Variants in FHIT observed in about 807,000 individuals in gnomAD.
The protein encoded by FHIT is bis(5'-adenosyl)-triphosphatase.
Under a neutral mutation model 17.9 loss-of-function variants are expected in FHIT, and 19 were observed. The ratio of observed to expected loss-of-function variants is 1.06; its 90% CI spans 0.74 to 1.56. The LOEUF is 1.56. FHIT is among the 40% of genes most tolerant of loss of function. The pLI is 0.00. For synonymous variants in FHIT, 81 were observed against 69.7 expected (o/e 1.16, Z -0.81); for missense variants, 248 against 189.2 (o/e 1.31, Z -1.82).
At chr3:61,034,487 T>G (rs939344779) in intron 3 of FHIT, among the ~76,000 whole-genome samples, 1 of 152,060 alleles carries the variant, frequency 6.6e-6, no homozygotes, top group Non-Finnish European at 1.5e-5. Flanking sequence ...TTAACAGACA[T>G]TTCTCCAGAA....
intron 4 of FHIT, among the ~76,000 whole-genome samples, chr3:60,546,464 C>A (rs1354083253): frequency 3.9e-5 from 6 of 152,156 alleles, no homozygotes; most frequent in Non-Finnish European, 1.5e-5. Context: ...CATGTCCTAA[C>A]TTTTATGCTG....
intron 5 of FHIT, among the ~76,000 whole-genome samples, chr3:60,028,290 A>T (rs1198965392): frequency 6.6e-6 from 1 of 152,256 alleles, no homozygotes; most frequent in Non-Finnish European, 1.5e-5. Context: ...CAGTTTAAAC[A>T]ACACCAATTC....
chr3:60,694,965 G>T (rs1461570954), intron 4 of FHIT, among the ~76,000 whole-genome samples: 1 of 152,244 alleles, frequency 6.6e-6, no homozygotes, highest in East Asian at 1.9e-4. Context: ...TAATGTAAAT[G>T]ACGGGTTAAT....
At chr3:60,349,567 T>A (rs772914925) in intron 5 of FHIT, among the ~76,000 whole-genome samples, 1 of 152,172 alleles carries the variant, frequency 6.6e-6, no homozygotes, top group Non-Finnish European at 1.5e-5. Context: ...TTCCAAAAGA[T>A]TCATTGTAAG....
intron 5 of FHIT, among the ~76,000 whole-genome samples, chr3:60,234,304 G>A (rs771555745): frequency 1.3e-5 from 2 of 152,060 alleles, no homozygotes; most frequent in African/African-American, 2.4e-5. Context: ...TAACACTAAC[G>A]GATTTCATTT....
intron 4 of FHIT, among the ~76,000 whole-genome samples, chr3:60,574,636 T>C (rs1365688697): frequency 6.6e-6 from 1 of 152,098 alleles, no homozygotes; most frequent in Non-Finnish European, 1.5e-5. Flanking sequence ...TAAACACATC[T>C]TTACATTGAC....
intron 3 of FHIT, among the ~76,000 whole-genome samples, chr3:61,012,535 C>A (rs75370602): frequency 4.1e-4 from 63 of 151,978 alleles, no homozygotes; most frequent in African/African-American, 1.5e-3. Flanking sequence ...ATGCTTATAT[C>A]TAGAAAACTG....
intron 5 of FHIT, among the ~76,000 whole-genome samples, chr3:60,448,320 G>A (rs2031485004): frequency 6.6e-6 from 1 of 151,864 alleles, no homozygotes; most frequent in Non-Finnish European, 1.5e-5. Flanking sequence ...GTGTTAAGAT[G>A]GAGTCAAAAA....
At chr3:60,567,768 C>A (rs1243512742) in intron 4 of FHIT, among the ~76,000 whole-genome samples, 2 of 150,364 alleles carry the variant, frequency 1.3e-5, no homozygotes, top group Non-Finnish European at 2.9e-5. Flanking sequence ...AAGAAAAAAA[C>A]AAACAGTCCC....
At chr3:60,959,364 G>A (rs1709305974) in intron 3 of FHIT, among the ~76,000 whole-genome samples, 1 of 152,166 alleles carries the variant, frequency 6.6e-6, no homozygotes, top group Admixed American at 6.5e-5. Flanking sequence ...ACAGATCATA[G>A]CATCATCAGC....
chr3:61,207,131 G>T (rs2039265897), intron 1 of FHIT, among the ~76,000 whole-genome samples: 1 of 152,114 alleles, frequency 6.6e-6, no homozygotes, highest in Non-Finnish European at 1.5e-5. Context: ...TAATTGATTT[G>T]CATATGTTCA....
chr3:60,841,781 G>A (rs1422153491), intron 3 of FHIT, among the ~76,000 whole-genome samples: 2 of 152,102 alleles, frequency 1.3e-5, no homozygotes, highest in Non-Finnish European at 2.9e-5. Context: ...GGTCCTAGGT[G>A]AGGAATCATA....
intron 5 of FHIT, among the ~76,000 whole-genome samples, chr3:60,079,553 CCT>C (rs1385248541): frequency 6.6e-6 from 1 of 152,000 alleles, no homozygotes; most frequent in Non-Finnish European, 1.5e-5. Flanking sequence ...ACCATTTTCC[CCT>C]CTCTCCTTTT....
chr3:60,086,348 T>A (rs942889284), intron 5 of FHIT, among the ~76,000 whole-genome samples: 2 of 152,064 alleles, frequency 1.3e-5, no homozygotes, highest in African/African-American at 2.4e-5. Context: ...AAGACAAACA[T>A]CCAAACCATA....
intron 8 of FHIT, among the ~76,000 whole-genome samples, chr3:59,816,370 A>G (rs1461381333): frequency 6.6e-6 from 1 of 152,182 alleles, no homozygotes; most frequent in East Asian, 1.9e-4. Flanking sequence ...AAATTTAAAC[A>G]AACAATAATA....
intron 8 of FHIT, among the ~76,000 whole-genome samples, chr3:59,796,779 G>A: frequency 6.6e-6 from 1 of 152,148 alleles, no homozygotes; most frequent in Admixed American, 6.5e-5. Context: ...AGTGACAAAG[G>A]GTGCAGCAAT....
intron 8 of FHIT, among the ~76,000 whole-genome samples, chr3:59,885,983 A>T (rs1320602532): frequency 6.6e-6 from 1 of 152,100 alleles, no homozygotes; most frequent in East Asian, 1.9e-4. Flanking sequence ...CAAGGATAGG[A>T]GGGTTATGGG....
intron 2 of FHIT, among the ~76,000 whole-genome samples, chr3:61,134,132 A>ACACACACACAC (rs1455630506): frequency 2.7e-5 from 1 of 37,242 alleles, no homozygotes; most frequent in African/African-American, 1.2e-4. Flanking sequence ...CACACACACA[A>ACACACACACAC]AGAGGTCAAG....
chr3:60,746,938 C>T (rs1380590707), intron 4 of FHIT, among the ~76,000 whole-genome samples: 3 of 152,072 alleles, frequency 2.0e-5, no homozygotes, highest in Non-Finnish European at 4.4e-5. Context: ...CATGTACATT[C>T]ACTATTTATA....
Sources: gnomAD v4.1 joint callset for allele counts (sites outside exome capture counted in the v4.1 genomes callset) on GRCh38, gnomAD v4.1.1 for gene constraint, MANE v1.5 for transcripts, NCBI Gene and HGNC (gene_info 2026-07-23, HGNC 2026-07-21) for gene names.